Variants in CPAP observed in about 807,000 individuals in gnomAD.
The protein encoded by CPAP is centrosome assembly and centriole elongation protein, also known as centrosomal P4.1-associated protein.
At chr13:24,920,080 A>C in the CPAP span, among the ~76,000 whole-genome samples, 1 of 152,164 alleles carries the variant, frequency 6.6e-6, no homozygotes, top group Non-Finnish European at 1.5e-5. Flanking sequence ...CCTAAAAATC[A>C]GTTTCTATCA....
At chr13:24,908,090 T>C in the CPAP span, 2 of 1,613,104 alleles carry the variant, frequency 1.2e-6, no homozygotes, top group East Asian at 2.2e-5. Context: ...TTCCTGAATC[T>C]GTTCTGTCAC....
chr13:24,910,805 A>G, the CPAP span, among the ~76,000 whole-genome samples: 22 of 152,220 alleles, frequency 1.4e-4, 1 homozygote, highest in African/African-American at 4.8e-4. Flanking sequence ...TGTATTCCAT[A>G]AAGAAACCCT....
the CPAP span, among the ~76,000 whole-genome samples, chr13:24,927,869 C>T: frequency 6.6e-6 from 1 of 152,290 alleles, no homozygotes; most frequent in East Asian, 1.9e-4. Context: ...AATCATAGCA[C>T]CTGAAAAGGT....
the CPAP span, chr13:24,906,105 G>C: frequency 1.2e-6 from 2 of 1,612,656 alleles, no homozygotes; most frequent in African/African-American, 1.3e-5. Flanking sequence ...TCCTTCTCAC[G>C]TGCAGTGTGG....
At chr13:24,914,474 C>T in the CPAP span, among the ~76,000 whole-genome samples, 19 of 152,308 alleles carry the variant, frequency 1.2e-4, no homozygotes, top group African/African-American at 4.6e-4. Context: ...AAAACACTAA[C>T]AGTCCATCAT....
the CPAP span, chr13:24,884,138 G>A: frequency 6.7e-7 from 1 of 1,486,122 alleles, no homozygotes; most frequent in Non-Finnish European, 9.4e-7. Flanking sequence ...AGAATTTAAT[G>A]AGAGGGTGGA....
the CPAP span, among the ~76,000 whole-genome samples, chr13:24,925,659 T>C: frequency 6.6e-6 from 1 of 152,166 alleles, no homozygotes; most frequent in Non-Finnish European, 1.5e-5. Context: ...GAATGATTCC[T>C]ATAGATCAGT....
the CPAP span, among the ~76,000 whole-genome samples, chr13:24,888,830 CAGTATT>C: frequency 6.6e-6 from 1 of 151,972 alleles, no homozygotes; most frequent in Non-Finnish European, 1.5e-5. Context: ...GTAAGTCATA[CAGTATT>C]GAAAGAAAAA....
chr13:24,883,117 A>C, the CPAP span: 1 of 1,392,090 alleles, frequency 7.2e-7, no homozygotes, highest in Middle Eastern at 1.8e-4. Flanking sequence ...ATCCACAGTA[A>C]ATGTACATTT....
chr13:24,914,762 C>G, the CPAP span, among the ~76,000 whole-genome samples: 1 of 151,916 alleles, frequency 6.6e-6, no homozygotes, highest in African/African-American at 2.4e-5. Flanking sequence ...GGCAACAGAA[C>G]AAAACCCTGT....
the CPAP span, chr13:24,883,435 C>T: frequency 1.2e-5 from 16 of 1,332,836 alleles, no homozygotes; most frequent in South Asian, 1.7e-4. Context: ...AACAGAAAAA[C>T]TACTGAAAAG....
At chr13:24,905,683 G>C in the CPAP span, 1 of 1,614,134 alleles carries the variant, frequency 6.2e-7, no homozygotes, top group South Asian at 1.1e-5. Flanking sequence ...TCAGACTTAG[G>C]GATGAGGATC....
chr13:24,902,901 C>T, the CPAP span, among the ~76,000 whole-genome samples: 6 of 152,154 alleles, frequency 3.9e-5, no homozygotes, highest in Non-Finnish European at 2.9e-5. Flanking sequence ...GTATGAATTT[C>T]TCCTCAAACA....
At chr13:24,897,254 T>C in the CPAP span, among the ~76,000 whole-genome samples, 1 of 152,192 alleles carries the variant, frequency 6.6e-6, no homozygotes, top group Non-Finnish European at 1.5e-5. Context: ...AATAAAAAAC[T>C]GAACTAAAAT....
At chr13:24,883,822 G>T in the CPAP span, 1 of 889,658 alleles carries the variant, frequency 1.1e-6, no homozygotes, top group Non-Finnish European at 1.9e-6. Flanking sequence ...TGACTGACAT[G>T]CCTGTGGGAC....
chr13:24,885,367 G>A, the CPAP span: 1 of 1,613,548 alleles, frequency 6.2e-7, no homozygotes, highest in Non-Finnish European at 8.5e-7. Flanking sequence ...TGGTTCAAGT[G>A]GCTCCCTGGG....
the CPAP span, among the ~76,000 whole-genome samples, chr13:24,883,743 C>T: frequency 3.9e-5 from 6 of 152,244 alleles, no homozygotes; most frequent in East Asian, 7.7e-4. Context: ...GGGGCATGAT[C>T]AGACTTAAAA....
At chr13:24,906,094 C>T in the CPAP span, 1 of 1,612,756 alleles carries the variant, frequency 6.2e-7, no homozygotes, top group Non-Finnish European at 8.5e-7. Context: ...CACACTCACT[C>T]TCCTTCTCAC....
At chr13:24,899,183 T>C in the CPAP span, among the ~76,000 whole-genome samples, 6 of 152,214 alleles carry the variant, frequency 3.9e-5, no homozygotes, top group Non-Finnish European at 8.8e-5. Context: ...CATGACATTA[T>C]CGTGGTCTTT....
Sources: gnomAD v4.1 joint callset for allele counts (sites outside exome capture counted in the v4.1 genomes callset) on GRCh38, gnomAD v4.1.1 for gene constraint, MANE v1.5 for transcripts, NCBI Gene and HGNC (gene_info 2026-07-23, HGNC 2026-07-21) for gene names.